ESR1: variants seen among roughly 807,000 people sequenced by gnomAD.
ESR1 encodes estrogen receptor.
In ESR1, 12 loss-of-function variants were observed where a neutral mutation model predicts 52.7. The ratio of observed to expected loss-of-function variants is 0.23; its 90% CI spans 0.15 to 0.37. The LOEUF (loss-of-function observed/expected upper bound fraction) is 0.37. Ranked by LOEUF, ESR1 falls within the 10% of genes least tolerant of loss-of-function variation. ESR1 has a pLI of 1.00. For missense variants in ESR1, 584 were observed against 779.7 expected (o/e 0.75, Z 2.99); for synonymous variants, 305 against 316.8 (o/e 0.96, Z 0.39).
chr6:151,981,028 G>A (rs529766160), intron 4 of ESR1, among the ~76,000 whole-genome samples: 259 of 152,234 alleles, frequency 1.7e-3, no homozygotes, highest in African/African-American at 5.9e-3. Context: ...ATGGCTGCAG[G>A]TATCTTAGTA....
chr6:151,728,662 C>A (rs1312968333), intron 2 of ESR1, among the ~76,000 whole-genome samples: 4 of 152,154 alleles, frequency 2.6e-5, no homozygotes, highest in African/African-American at 9.7e-5. Context: ...AAGGAACATA[C>A]CTGCCCCCCA....
At chr6:151,878,552 T>C (rs1188682008) in intron 2 of ESR1, among the ~76,000 whole-genome samples, 1 of 152,204 alleles carries the variant, frequency 6.6e-6, no homozygotes, top group African/African-American at 2.4e-5. Context: ...TAATTGGGCC[T>C]GACCCTTAAG....
At chr6:152,058,307 A>G (rs2047270044) in intron 5 of ESR1, among the ~76,000 whole-genome samples, 1 of 152,174 alleles carries the variant, frequency 6.6e-6, no homozygotes, top group African/African-American at 2.4e-5. Flanking sequence ...GCACTCTGCC[A>G]GCCACACATT....
intron 2 of ESR1, among the ~76,000 whole-genome samples, chr6:151,795,314 C>A (rs1222504921): frequency 6.6e-6 from 1 of 151,662 alleles, no homozygotes; most frequent in Non-Finnish European, 1.5e-5. Context: ...TGGCGAAACC[C>A]CGCCTCTACT....
At chr6:151,879,539 A>G (rs373839699) in intron 2 of ESR1, among the ~76,000 whole-genome samples, 50 of 152,320 alleles carry the variant, frequency 3.3e-4, no homozygotes, top group African/African-American at 1.1e-3. Context: ...ATCAAAGCCA[A>G]TGAGTAAGGA....
intron 4 of ESR1, among the ~76,000 whole-genome samples, chr6:152,001,625 C>T (rs2041951112): frequency 6.6e-6 from 1 of 151,982 alleles, no homozygotes; most frequent in Admixed American, 6.6e-5. Context: ...ATCTACTGTG[C>T]TTGTAAAAGA....
chr6:152,089,933 G>A (rs1285785769), intron 6 of ESR1, among the ~76,000 whole-genome samples: 1 of 152,186 alleles, frequency 6.6e-6, no homozygotes, highest in Non-Finnish European at 1.5e-5. Flanking sequence ...GAGAGGCATA[G>A]GAACTGGAAC....
chr6:151,732,203 G>A (rs542856327), intron 2 of ESR1, among the ~76,000 whole-genome samples: 2 of 152,058 alleles, frequency 1.3e-5, no homozygotes, highest in East Asian at 3.9e-4. Flanking sequence ...TTATAAAATT[G>A]CCACTATAAA....
chr6:152,021,972 A>T (rs980041673), intron 5 of ESR1, among the ~76,000 whole-genome samples: 1 of 152,152 alleles, frequency 6.6e-6, no homozygotes, highest in African/African-American at 2.4e-5. Context: ...AAGTCCTTTA[A>T]ACCTCTTTTC....
At chr6:151,983,264 G>A (rs963727560) in intron 4 of ESR1, among the ~76,000 whole-genome samples, 3 of 152,142 alleles carry the variant, frequency 2.0e-5, no homozygotes, top group African/African-American at 7.2e-5. Context: ...TAGAGAGGAG[G>A]AGGGCGACTA....
rs1197321682 is a variant in ESR1 at position 151,807,790 on chromosome 6, C to T, written c.-123C>T. On this transcript the variant is annotated 5_prime_UTR_variant, in exon 1 of 8. Coordinates refer to ENST00000206249, the MANE Select transcript of ESR1 (RefSeq NM_000125.4). ...AGGGCCGGGGCCAGAGCTCGCGTGT[C>T]GGCGGGACATGCGCTGCGTCGCCTC... 8 of 948,260 alleles carry T rather than the reference C, an allele frequency of 8.4e-6. No individual in the cohort carries two copies. Among genetic ancestry groups the T allele is most frequent in the African/African-American group, 1.6e-5 (1 of 61,672 alleles). The allele number at this position is 948,260 out of a possible 1,614,324, so 58.7% of individuals were successfully genotyped here. A position where few individuals can be genotyped will look rare whatever the true frequency, so the allele number is the denominator to read the frequency against.
chr6:151,937,643 G>A (rs1023609297), intron 3 of ESR1, among the ~76,000 whole-genome samples: 4 of 152,158 alleles, frequency 2.6e-5, no homozygotes, highest in Non-Finnish European at 5.9e-5. Flanking sequence ...AGCATTAAGT[G>A]AACCAGATAA....
rs533547473 is a variant in ESR1, at chr6:151,823,185, C to A, written c.452+14821C>A. Among the ~76,000 whole-genome samples the A allele has an allele frequency of 4.6e-5, 7 of 152,312 alleles. No individual in the cohort carries two copies. In the East Asian group the frequency reaches 1.2e-3, roughly 25 times the overall value. On this transcript the variant is annotated intron_variant, in intron 1 of 7. Coordinates refer to ENST00000206249, the MANE Select transcript of ESR1 (RefSeq NM_000125.4). Reference sequence around the variant, plus strand: ...TTTTTGTTGGTTACATCTGGCAGCCCTAGCCATGCTGCCTTTCTGCTTAAT... The same window carrying A: ...TTTTTGTTGGTTACATCTGGCAGCCATAGCCATGCTGCCTTTCTGCTTAAT...
At chr6:151,770,524 A>C (rs1368409481) in intron 2 of ESR1, among the ~76,000 whole-genome samples, 1 of 152,138 alleles carries the variant, frequency 6.6e-6, no homozygotes, top group East Asian at 1.9e-4. Context: ...AATTTAATAT[A>C]ACCCTAATTC....
chr6:152,020,473 C>T lies in ESR1; in HGVS notation c.1235+8679C>T, dbSNP rs560492469. Among the ~76,000 whole-genome samples the T allele has an allele frequency of 2.6e-5, 4 of 152,196 alleles. No individual in the cohort carries two copies. The South Asian group carries it at 8.3e-4, about 32-fold the overall frequency. ...TTTTTTGTTTGTTTGTTTTTTGAGA[C>T]AGGATCTTGCTCTGTCACCTAGACA... On this transcript the variant is annotated intron_variant, in intron 5 of 7. Coordinates refer to ENST00000206249, the MANE Select transcript of ESR1 (RefSeq NM_000125.4).
At chr6:152,002,371 GT>G (rs1194102395) in intron 4 of ESR1, among the ~76,000 whole-genome samples, 1 of 151,944 alleles carries the variant, frequency 6.6e-6, no homozygotes, top group Non-Finnish European at 1.5e-5. Flanking sequence ...CGTAGTTTTT[GT>G]TTTGAAGACA....
At chr6:151,882,921 C>T (rs1355301380) in intron 3 of ESR1, among the ~76,000 whole-genome samples, 1 of 152,162 alleles carries the variant, frequency 6.6e-6, no homozygotes, top group South Asian at 2.1e-4. Context: ...CTGTACACAA[C>T]AGACTGTGGA....
At chr6:152,092,312 T>A (rs971088772) in intron 6 of ESR1, among the ~76,000 whole-genome samples, 1 of 152,240 alleles carries the variant, frequency 6.6e-6, no homozygotes, top group Non-Finnish European at 1.5e-5. Context: ...ATTATCCTAT[T>A]CAACTGCATG....
chr6:151,842,617 G>C lies in ESR1; in HGVS notation c.473G>C (p.Arg158Pro). The C allele has an allele frequency of 6.2e-7, 1 of 1,613,492 alleles. No individual in the cohort carries two copies. Among genetic ancestry groups the C allele is most frequent in the Non-Finnish European group, 8.5e-7 (1 of 1,179,794 alleles). Reference protein sequence around the residue: ...AFYRPNSDNRRQGGRERLAST... With the variant: ...AFYRPNSDNRPQGGRERLAST... ...CCCAGGCCAAATTCAGATAATCGAC[G>C]CCAGGGTGGCAGAGAAAGATTGGCC... is the stretch of plus-strand genomic sequence containing the variant. The change falls in exon 2 of 8, where the codon CGC becomes CCC. Residue 158 changes from arginine (R) to proline (P), a missense_variant. Around this residue, in one of 6 missense-constraint regions of ESR1, gnomAD observed 251 missense variants for 246.1 expected, o/e 1.02. Coordinates refer to ENST00000206249, the MANE Select transcript of ESR1 (RefSeq NM_000125.4).
Sources: gnomAD v4.1 joint callset for allele counts (sites outside exome capture counted in the v4.1 genomes callset) on GRCh38, gnomAD v4.1.1 for gene constraint, gnomAD v4.1.1 regional missense constraint, MANE v1.5 for transcripts, NCBI Gene and HGNC (gene_info 2026-07-23, HGNC 2026-07-21) for gene names.